ZBTB17: variants seen among roughly 807,000 people sequenced by gnomAD.
The protein encoded by ZBTB17 is zinc finger and BTB domain-containing protein 17.
Under a neutral mutation model 85.1 loss-of-function variants are expected in ZBTB17, and 24 were observed. The observed-to-expected ratio is 0.28, with a 90% CI of 0.20 to 0.40. ZBTB17 has a LOEUF of 0.40. ZBTB17 is among the 10% of genes least tolerant of loss of function. The pLI is 1.00. For missense variants in ZBTB17, 743 were observed against 1,105.1 expected (o/e 0.67, Z 4.65); for synonymous variants, 464 against 460.2 (o/e 1.01, Z -0.11).
Position 15,967,964 on chromosome 1 carries a change from A to G in ZBTB17, c.-3+5075T>C, listed in dbSNP as rs1165952313. On this transcript the variant is annotated intron_variant, in intron 2 of 15. Transcript: ENST00000375743. The stretch of plus-strand genomic sequence containing the variant: ...TCTTAACTGGGGGTGATTTTGTGCC[A>G]GGAGATATTTGGCAATATCTGGAGA... Among the ~76,000 whole-genome samples the G allele has an allele frequency of 2.6e-5, 4 of 152,178 alleles. No individual in the cohort carries two copies. In the East Asian group the frequency reaches 7.7e-4, roughly 29 times the overall value.
intron 2 of ZBTB17, among the ~76,000 whole-genome samples, chr1:15,958,567 G>A (rs563363191): frequency 6.6e-6 from 1 of 152,302 alleles, no homozygotes; most frequent in East Asian, 1.9e-4. Context: ...CATAACTGGT[G>A]GGCTGAGGGG....
chr1:15,950,959 A>G (rs2071811500), intron 2 of ZBTB17, among the ~76,000 whole-genome samples: 1 of 152,206 alleles, frequency 6.6e-6, no homozygotes, highest in East Asian at 1.9e-4. Context: ...TAAGCTAGAT[A>G]GATTAGATAA....
intron 13 of ZBTB17, 152 bp from the exon 14 acceptor site, chr1:15,942,890 C>T: frequency 7.5e-7 from 1 of 1,324,850 alleles, no homozygotes; most frequent in South Asian, 1.4e-5. Context: ...GACACTGGCA[C>T]CTCTGGAAGC....
At chr1:15,971,682 C>A (rs1313891072) in intron 2 of ZBTB17, among the ~76,000 whole-genome samples, 1 of 150,248 alleles carries the variant, frequency 6.7e-6, no homozygotes, top group Non-Finnish European at 1.5e-5. Context: ...TGCAGCAAAC[C>A]CTGTGAATTA....
intron 2 of ZBTB17, among the ~76,000 whole-genome samples, chr1:15,972,795 G>A (rs1276635996): frequency 6.6e-6 from 1 of 152,192 alleles, no homozygotes; most frequent in Admixed American, 6.5e-5. Flanking sequence ...TTCCACCACT[G>A]TAGATTTCAC....
chr1:15,949,561 T>C (rs1230681849), intron 2 of ZBTB17, among the ~76,000 whole-genome samples: 3 of 152,226 alleles, frequency 2.0e-5, no homozygotes, highest in African/African-American at 7.2e-5. Flanking sequence ...ACTCCTCCTC[T>C]TCTCTGAGGC....
In ZBTB17 at chr1:15,943,468, C is replaced by G. The variant is rs748993123; in HGVS notation, c.1628G>C (p.Ser543Thr). 6.2e-7 allele frequency: 1 copy of G among 1,611,318 alleles called. No individual in the cohort carries two copies. The highest frequency in any genetic ancestry group is 1.3e-5 in the African/African-American group (1 of 74,882). Residue 543 changes from serine to threonine, a missense_variant, in exon 12 of 16, where the codon AGC becomes ACC. This residue lies in a region of ZBTB17 where 321 missense variants were observed against 615.7 expected (regional missense o/e 0.52). Coordinates refer to ENST00000375743, the MANE Select transcript of ZBTB17 (RefSeq NM_003443.3). ...VMCGKAFTQA[S>T]SLIAHVRQHT... The stretch of plus-strand genomic sequence containing the variant: ...CTGGCGCACGTGGGCGATGAGGGAG[C>G]TGGCCTGGGTGAAGGCCTTACCGCA...
At chr1:15,959,993 A>C (rs1050735903) in intron 2 of ZBTB17, among the ~76,000 whole-genome samples, 2 of 152,198 alleles carry the variant, frequency 1.3e-5, no homozygotes, top group Non-Finnish European at 1.5e-5. Context: ...AAACAATATG[A>C]GCAGAAATTC....
chr1:15,942,638 G>A lies in ZBTB17; in HGVS notation c.1929C>T (p.Ile643=). 6.2e-7 allele frequency: 1 copy of A among 1,613,662 alleles called. No individual in the cohort carries two copies. Among genetic ancestry groups the A allele is most frequent in the Non-Finnish European group, 8.5e-7 (1 of 1,180,038 alleles). ...TGCCCTCCTCGGGCTCCAGGATCTT[G>A]ATGCCTGCCTTGCCCTGGTGCACGG... The part of the protein sequence containing the change: ...VKTVHQGKAG[I]KILEPEEGSE... The change falls in exon 14 of 16, where the codon ATC becomes ATT. Residue 643 remains isoleucine, a synonymous_variant. Transcript: ENST00000375743.
chr1:15,948,194 C>A (rs760409626), intron 3 of ZBTB17, 97 bp downstream of exon 3: 23 of 1,454,422 alleles, frequency 1.6e-5, no homozygotes, highest in Non-Finnish European at 2.0e-5. Context: ...TTGCATCCCA[C>A]AGCCTGCAGG....
rs1362817914 is a variant in ZBTB17 at position 15,942,367 on chromosome 1, C to T, written c.2092G>A (p.Glu698Lys). 6 of 1,613,906 alleles carry T rather than the reference C, an allele frequency of 3.7e-6. No homozygotes were observed. Among genetic ancestry groups the T allele is most frequent in the Non-Finnish European group, 5.1e-6 (6 of 1,180,024 alleles). Residue 698 changes from glutamate (E) to lysine (K), a missense_variant, in exon 15 of 16, where the codon GAG (glutamate) becomes AAG (lysine). Coordinates refer to ENST00000375743, the MANE Select transcript of ZBTB17 (RefSeq NM_003443.3). Reference sequence around the variant, plus strand: ...ACTTGCTTCACAGCTTTGCTGATCTCGGCCTTCAGGACTTCCGTCTCATCG... The same window carrying T: ...ACTTGCTTCACAGCTTTGCTGATCTTGGCCTTCAGGACTTCCGTCTCATCG... ...TADETEVLKA[E>K]ISKAVKQVQE...
chr1:15,942,505 C>T (rs776648949), intron 14 of ZBTB17, 24 bp downstream of exon 14: 7 of 1,609,854 alleles, frequency 4.3e-6, no homozygotes, highest in Non-Finnish European at 5.9e-6. Flanking sequence ...CCTGTGACTT[C>T]CCTCTGCTGC....
At chr1:15,962,593 A>G (rs144020228) in intron 2 of ZBTB17, among the ~76,000 whole-genome samples, 5 of 152,310 alleles carry the variant, frequency 3.3e-5, no homozygotes, top group Non-Finnish European at 7.4e-5. Flanking sequence ...GCCCACATTC[A>G]AGGCCAAATC....
chr1:15,965,322 G>C (rs762874199), intron 2 of ZBTB17, among the ~76,000 whole-genome samples: 1 of 152,060 alleles, frequency 6.6e-6, no homozygotes, highest in African/African-American at 2.4e-5. Context: ...TGTTGTTTCC[G>C]AGAAGATGAA....
At chr1:15,975,907 C>T (rs1049465766) in intron 1 of ZBTB17, 76 bp downstream of exon 1, 48 of 692,604 alleles carry the variant, frequency 6.9e-5, no homozygotes, top group Non-Finnish European at 1.1e-4. Context: ...ACCGGCGTCC[C>T]ACCGCGCCCC....
intron 2 of ZBTB17, among the ~76,000 whole-genome samples, chr1:15,960,339 TACATATAA>T (rs1360295006): frequency 2.6e-5 from 4 of 152,240 alleles, no homozygotes; most frequent in Admixed American, 6.5e-5. Flanking sequence ...ATTCTATCAT[TACATATAA>T]ACCCAAGCCA....
rs780157520 is a variant in ZBTB17 at position 15,944,570 on chromosome 1, G to A, written c.1101C>T (p.Cys367=). The change falls in exon 9 of 16, where the codon TGC becomes TGT. Residue 367 remains cysteine (C), a synonymous_variant. Transcript: ENST00000375743. ...GGCTGATGAGGCGGTAGCTCTTCCC[G>A]CACTCCTCGCAGCCGTAGGGCTTCA... is the stretch of plus-strand genomic sequence containing the variant. ...SPLKPYGCEE[C]GKSYRLISLL... 40 of 1,597,580 alleles carry A rather than the reference G, an allele frequency of 2.5e-5. No individual in the cohort carries two copies. The highest frequency in any genetic ancestry group is 1.3e-4 in the Admixed American group (8 of 59,532).
intron 9 of ZBTB17, 89 bp from the exon 10 acceptor site, chr1:15,943,984 T>C (rs1413144253): frequency 1.5e-6 from 2 of 1,314,260 alleles, no homozygotes; most frequent in East Asian, 2.5e-5. Context: ...AACAATTGAC[T>C]CTCAGGCTTG....
chr1:15,975,334 C>T (rs192094736), intron 1 of ZBTB17, among the ~76,000 whole-genome samples: 21 of 152,260 alleles, frequency 1.4e-4, no homozygotes, highest in African/African-American at 4.6e-4. Context: ...CCAAAAGTGC[C>T]TAAGGTCACA....
Sources: allele counts gnomAD v4.1 joint callset (sites outside exome capture counted in the v4.1 genomes callset), GRCh38; gene constraint gnomAD v4.1.1; regional missense constraint gnomAD v4.1.1; transcripts MANE v1.5; gene names NCBI Gene and HGNC (gene_info 2026-07-23, HGNC 2026-07-21).